Variants in PCSK5 observed in about 807,000 individuals in gnomAD.
PCSK5 encodes the protein prohormone convertase 5.
PCSK5 carries 129 observed loss-of-function variants against 233.2 expected under a neutral mutation model. That is an observed-to-expected ratio of 0.55 (90% CI 0.48 to 0.64). The LOEUF (loss-of-function observed/expected upper bound fraction) is 0.64. PCSK5 is among the 30% of genes least tolerant of loss of function. The pLI, the probability that PCSK5 is intolerant of heterozygous loss-of-function variation, is 0.00. For synonymous variants in PCSK5, 825 were observed against 879.2 expected, an observed-to-expected ratio of 0.94 and a Z score of 1.09; for missense variants, 2,076 against 2,430.1, an observed-to-expected ratio of 0.85 and a Z score of 3.06.
intron 2 of PCSK5, among the ~76,000 whole-genome samples, chr9:75,945,012 G>C (rs1163628584): frequency 2.0e-5 from 3 of 151,880 alleles, no homozygotes; most frequent in Non-Finnish European, 4.4e-5. Flanking sequence ...GGGAGGCTGA[G>C]GCAGGAGAAT....
intron 1 of PCSK5, among the ~76,000 whole-genome samples, chr9:75,891,800 T>C (rs563418927): frequency 5.3e-5 from 8 of 151,980 alleles, no homozygotes; most frequent in Admixed American, 1.3e-4. Context: ...CTCTGATGCC[T>C]GCGGGGAAGG....
chr9:75,902,214 T>TAAA lies in PCSK5; in HGVS notation c.192+10868_192+10870dup, dbSNP rs200579439. The stretch of plus-strand genomic sequence containing the variant: ...CTGGGTGACAGAGTGAGACACCATC[T>TAAA]AAAAAAAAAAAAAAAAAAAAAAAAA... On this transcript the variant is annotated intron_variant, in intron 1 of 37. Coordinates refer to ENST00000674117, the MANE Select transcript of PCSK5 (RefSeq NM_001372043.1). 8.1e-3 allele frequency among the ~76,000 whole-genome samples: 433 copies of TAAA among 53,236 alleles called. 11 individuals are homozygous for TAAA. Among genetic ancestry groups the TAAA allele is most frequent in the African/African-American group, 0.029 (365 of 12,512 alleles). The allele number at this position is 53,236 out of a possible 152,430, so 34.9% of individuals were successfully genotyped here. A position where few individuals can be genotyped will look rare whatever the true frequency, so the allele number is the denominator to read the frequency against.
intron 5 of PCSK5, among the ~76,000 whole-genome samples, chr9:76,040,399 C>CTGTCTCTCTGTCTCTCTGTCTG (rs199882078): frequency 1.5e-5 from 2 of 130,616 alleles, no homozygotes; most frequent in Non-Finnish European, 3.2e-5. Context: ...CTCTCTCTCT[C>CTGTCTCTCTGTCTCTCTGTCTG]TCTCTCTCTC....
In PCSK5 at chr9:76,353,933, T is replaced by A. The variant is rs1253523715; in HGVS notation, c.5068-100T>A. ...CCATCCTTCTGCTGTCCCCCACACA[T>A]CTCCCTCCTTATGAAGACAAGATGA... On this transcript the variant is annotated intron_variant, in intron 36 of 37. Transcript: ENST00000674117. 16 of 824,466 alleles carry A rather than the reference T, an allele frequency of 1.9e-5. No homozygotes were observed. The East Asian group carries it at 3.7e-4, about 19-fold the overall frequency. The allele number at this position is 824,466 out of a possible 1,614,324, so 51.1% of individuals were successfully genotyped here.
chr9:76,057,726 A>G (rs1427288123), intron 5 of PCSK5, among the ~76,000 whole-genome samples: 1 of 152,072 alleles, frequency 6.6e-6, no homozygotes, highest in Non-Finnish European at 1.5e-5. Flanking sequence ...TTTTTGGACT[A>G]CAAAACCAAG....
intron 10 of PCSK5, among the ~76,000 whole-genome samples, chr9:76,154,318 G>A (rs1218339923): frequency 1.3e-5 from 2 of 152,156 alleles, no homozygotes; most frequent in African/African-American, 2.4e-5. Flanking sequence ...CAAATTTATG[G>A]CCTTCATAAA....
chr9:75,908,689 C>T (rs139158568), intron 1 of PCSK5, among the ~76,000 whole-genome samples: 1 of 152,306 alleles, frequency 6.6e-6, no homozygotes, highest in African/African-American at 2.4e-5. Context: ...CTATGTTCTA[C>T]AAAGCCTTTC....
rs150358970 is a variant in PCSK5, at chr9:76,071,742, C to T, written c.738C>T (p.Asp246=). Residue 246 remains aspartate, a synonymous_variant, in exon 7 of 38, where the codon GAC becomes GAT. Coordinates refer to ENST00000674117, the MANE Select transcript of PCSK5 (RefSeq NM_001372043.1). ...GTGTTGAAGGAGTGCGAATGCTGGA[C>T]GGAGATGTCACGGACATGGTTGAAG... ...NAKIGGVRML[D]GDVTDMVEAK... is the part of the protein sequence containing the mutation. 2.9e-5 allele frequency: 46 copies of T among 1,612,954 alleles called. No individual in the cohort carries two copies. The highest frequency in any genetic ancestry group is 7.7e-5 in the South Asian group (7 of 90,902).
chr9:75,928,856 G>C (rs1041017660), intron 1 of PCSK5, among the ~76,000 whole-genome samples: 1 of 151,682 alleles, frequency 6.6e-6, no homozygotes, highest in Admixed American at 6.6e-5. Flanking sequence ...ATAATTCTTT[G>C]ATACTCATAC....
intron 13 of PCSK5, among the ~76,000 whole-genome samples, chr9:76,172,265 G>A (rs1193797745): frequency 6.7e-6 from 1 of 149,248 alleles, no homozygotes; most frequent in African/African-American, 2.4e-5. Flanking sequence ...TAGCAAGGAA[G>A]ATGGATTTTT....
In PCSK5 at chr9:76,006,494, T is replaced by C. The variant is rs186090647; in HGVS notation, c.412-17244T>C. ...TTCCTTCACTTGATCTATATTTGGT[T>C]TGTCAGCTTTAAATCAGATCCGTTG... On this transcript the variant is annotated intron_variant, in intron 3 of 37. Transcript: ENST00000674117. 1.2e-3 allele frequency among the ~76,000 whole-genome samples: 179 copies of C among 152,312 alleles called. 1 individual carries two copies. Among genetic ancestry groups the C allele is most frequent in the African/African-American group, 4.1e-3 (170 of 41,560 alleles).
intron 24 of PCSK5, among the ~76,000 whole-genome samples, chr9:76,256,857 C>A (rs1289237825): frequency 3.3e-5 from 5 of 152,138 alleles, no homozygotes; most frequent in Non-Finnish European, 5.9e-5. Context: ...TGGGCAAGCC[C>A]TTTACATTTT....
At chr9:75,937,298 T>C (rs894511606) in intron 2 of PCSK5, among the ~76,000 whole-genome samples, 1 of 151,880 alleles carries the variant, frequency 6.6e-6, no homozygotes, top group African/African-American at 2.4e-5. Flanking sequence ...CCTGCCTCAG[T>C]CTCCTGAGTA....
At chr9:75,903,100 C>T (rs2131205353) in intron 1 of PCSK5, among the ~76,000 whole-genome samples, 2 of 152,286 alleles carry the variant, frequency 1.3e-5, no homozygotes, top group Middle Eastern at 6.8e-3. Flanking sequence ...ATTCACATTT[C>T]ATGTATTCTG....
intron 24 of PCSK5, among the ~76,000 whole-genome samples, chr9:76,266,654 A>G (rs1010533461): frequency 3.9e-5 from 6 of 152,202 alleles, no homozygotes; most frequent in African/African-American, 1.4e-4. Context: ...AAATGGATCA[A>G]TGCTTTGGCA....
At chr9:76,168,268 C>T (rs1052648149) in intron 12 of PCSK5, among the ~76,000 whole-genome samples, 3 of 152,164 alleles carry the variant, frequency 2.0e-5, no homozygotes, top group Non-Finnish European at 4.4e-5. Context: ...TCTCCTGCCT[C>T]AGCCCCCTGA....
chr9:76,327,809 T>C (rs745369324), intron 32 of PCSK5, among the ~76,000 whole-genome samples, 200 bp from the exon 33 acceptor site: 11 of 152,182 alleles, frequency 7.2e-5, no homozygotes, highest in African/African-American at 1.2e-4. Flanking sequence ...AATAATTTTC[T>C]CTCATTTTGC....
chr9:76,347,076 A>T (rs1332013787), intron 35 of PCSK5, among the ~76,000 whole-genome samples: 5 of 148,692 alleles, frequency 3.4e-5, no homozygotes, highest in South Asian at 2.1e-4. Flanking sequence ...TATTTTTTCT[A>T]TTTTTTTTTT....
chr9:76,024,114 G>T (rs999158687), intron 4 of PCSK5, among the ~76,000 whole-genome samples: 1 of 152,102 alleles, frequency 6.6e-6, no homozygotes, highest in African/African-American at 2.4e-5. Flanking sequence ...AAGCAATAAG[G>T]TAGCAGAAAC....
Sources: allele counts gnomAD v4.1 joint callset (sites outside exome capture counted in the v4.1 genomes callset), GRCh38; gene constraint gnomAD v4.1.1; transcripts MANE v1.5; gene names NCBI Gene and HGNC (gene_info 2026-07-23, HGNC 2026-07-21).